JAK2: variants seen among roughly 807,000 people sequenced by gnomAD.
JAK2 encodes the protein tyrosine-protein kinase JAK2.
In JAK2, 86 loss-of-function variants were observed where a neutral mutation model predicts 139.3. The observed-to-expected ratio is 0.62, with a 90% CI of 0.52 to 0.74. JAK2 has a LOEUF of 0.74. JAK2 is among the 30% of genes least tolerant of loss of function. The probability of loss-of-function intolerance (pLI) is 0.00; values close to 1 mark genes in which losing one functional copy is unlikely to be tolerated. For missense variants in JAK2, 1,421 were observed against 1,360.3 expected, an observed-to-expected ratio of 1.04 and a Z score of -0.70; for synonymous variants, 490 against 437.7, an observed-to-expected ratio of 1.12 and a Z score of -1.49.
intron 22 of JAK2, among the ~76,000 whole-genome samples, chr9:5,105,654 A>T (rs1370162543): frequency 6.6e-6 from 1 of 152,188 alleles, no homozygotes; most frequent in East Asian, 1.9e-4. Context: ...ACACTACGTA[A>T]CTTCAAACTA....
At chr9:5,089,965 C>T (rs936620973) in intron 20 of JAK2, 102 bp downstream of exon 20, 5 of 694,344 alleles carry the variant, frequency 7.2e-6, no homozygotes, top group East Asian at 3.3e-5. Flanking sequence ...TATGCCAATG[C>T]CCAGAGGGAG....
chr9:5,111,325 C>T (rs911812169), intron 22 of JAK2: 2 of 442,908 alleles, frequency 4.5e-6, no homozygotes, highest in African/African-American at 2.0e-5. Context: ...GGACCCCTGT[C>T]CCCCTCAGGC....
At chr9:4,995,330 T>C (rs1036258840) in intron 2 of JAK2, among the ~76,000 whole-genome samples, 3 of 152,196 alleles carry the variant, frequency 2.0e-5, no homozygotes, top group African/African-American at 7.2e-5. Flanking sequence ...TTTGATTCTG[T>C]AGATAGTGTG....
chr9:5,043,945 G>T (rs1288131715), intron 4 of JAK2, among the ~76,000 whole-genome samples: 1 of 152,154 alleles, frequency 6.6e-6, no homozygotes, highest in Non-Finnish European at 1.5e-5. Context: ...GGACTTTATG[G>T]TATGTGAATT....
intron 2 of JAK2, among the ~76,000 whole-genome samples, chr9:4,988,003 G>T (rs1820059904): frequency 6.6e-6 from 1 of 152,164 alleles, no homozygotes; most frequent in South Asian, 2.1e-4. Flanking sequence ...GTCTTAAACT[G>T]GTGAGGGAGT....
intron 22 of JAK2, chr9:5,097,439 C>G (rs897280207): frequency 1.3e-5 from 2 of 152,064 alleles, no homozygotes; most frequent in Non-Finnish European, 2.9e-5. Flanking sequence ...ACGTATTACT[C>G]TGGAAAAAAG....
At chr9:5,039,656 C>T (rs1381809268) in intron 4 of JAK2, among the ~76,000 whole-genome samples, 1 of 151,854 alleles carries the variant, frequency 6.6e-6, no homozygotes, top group African/African-American at 2.4e-5. Context: ...AATAGAAGAT[C>T]AATATATAAA....
Position 5,080,132 on chromosome 9 carries a change from G to A in JAK2, c.2132-97G>A. On this transcript the variant is annotated intron_variant, in intron 16 of 24. Coordinates refer to ENST00000381652, the MANE Select transcript of JAK2 (RefSeq NM_004972.4). ...CCTCCAAAATAAAGAAAATAGGCCT[G>A]ATTATTCAAATGATTTGAACTTTAA... is the stretch of plus-strand genomic sequence containing the variant. The A allele has an allele frequency of 5.1e-6, 5 of 977,338 alleles. No homozygotes were observed. In the South Asian group the frequency reaches 7.6e-5, roughly 15 times the overall value. The allele number at this position is 977,338 out of a possible 1,614,324, so 60.5% of individuals were successfully genotyped here.
chr9:5,112,856 C>A, intron 22 of JAK2: 2 of 473,470 alleles, frequency 4.2e-6, no homozygotes, highest in Non-Finnish European at 6.9e-6. Context: ...GTGAAAGGTA[C>A]GCCTCCGTGG....
chr9:5,037,019 A>C (rs548672403), intron 4 of JAK2, among the ~76,000 whole-genome samples: 2 of 152,304 alleles, frequency 1.3e-5, no homozygotes, highest in South Asian at 4.1e-4. Flanking sequence ...TTTACAAGAA[A>C]ACAACAACCC....
intron 22 of JAK2, chr9:5,108,920 C>T (rs537205326): frequency 5.3e-5 from 8 of 152,252 alleles, no homozygotes; most frequent in East Asian, 1.9e-4. Context: ...ATTCCAACTA[C>T]GAGTGAGTCC....
At chr9:5,069,522 C>G (rs145169660) in intron 11 of JAK2, among the ~76,000 whole-genome samples, 1 of 151,810 alleles carries the variant, frequency 6.6e-6, no homozygotes, top group African/African-American at 2.4e-5. Flanking sequence ...TCATATACTT[C>G]GAGGATTTTA....
intron 22 of JAK2, among the ~76,000 whole-genome samples, chr9:5,093,900 T>A (rs1820777554): frequency 6.6e-6 from 1 of 152,162 alleles, no homozygotes; most frequent in African/African-American, 2.4e-5. Context: ...GGTTTCTATC[T>A]GTTTAACATT....
chr9:5,120,977 A>G (rs2130845841), intron 22 of JAK2, among the ~76,000 whole-genome samples: 1 of 152,192 alleles, frequency 6.6e-6, no homozygotes, highest in East Asian at 1.9e-4. Flanking sequence ...CAAAGGTCAA[A>G]GATATGGTTA....
chr9:5,104,687 G>T (rs1821809863), intron 22 of JAK2, among the ~76,000 whole-genome samples: 1 of 152,210 alleles, frequency 6.6e-6, no homozygotes, highest in South Asian at 2.1e-4. Context: ...CAATCCAGCA[G>T]CACATCCAAA....
chr9:5,061,836 T>C (rs1818196822), intron 8 of JAK2, among the ~76,000 whole-genome samples: 1 of 152,012 alleles, frequency 6.6e-6, no homozygotes, highest in African/African-American at 2.4e-5. Flanking sequence ...TAATCATTTC[T>C]AGCTTTTGAT....
chr9:5,037,692 AC>A (rs1816160290), intron 4 of JAK2, among the ~76,000 whole-genome samples: 1 of 151,998 alleles, frequency 6.6e-6, no homozygotes, highest in South Asian at 2.1e-4. Flanking sequence ...AACATCACAT[AC>A]CGGGGCCTGT....
At chr9:5,112,052 CG>C in intron 22 of JAK2, 2 of 408,156 alleles carry the variant, frequency 4.9e-6, no homozygotes, top group South Asian at 1.8e-5. Flanking sequence ...CCAGCTACGA[CG>C]GGGGTCTCCA....
At chr9:5,063,381 C>T (rs755341018) in intron 8 of JAK2, among the ~76,000 whole-genome samples, 37 of 152,176 alleles carry the variant, frequency 2.4e-4, no homozygotes, top group Non-Finnish European at 4.7e-4. Context: ...AGTACCTCTT[C>T]GATCACAGCA....
Sources: gnomAD v4.1 joint callset for allele counts (sites outside exome capture counted in the v4.1 genomes callset) on GRCh38, gnomAD v4.1.1 for gene constraint, MANE v1.5 for transcripts, NCBI Gene and HGNC (gene_info 2026-07-23, HGNC 2026-07-21) for gene names.